Variants in ZNF398 observed in about 807,000 individuals in gnomAD.
The protein encoded by ZNF398 is zinc finger DNA binding protein ZER6.
Under a neutral mutation model 41.9 loss-of-function variants are expected in ZNF398, and 18 were observed. The observed-to-expected ratio is 0.43, with a 90% CI of 0.30 to 0.64. ZNF398 has a LOEUF of 0.64. Among genes scored for constraint, ZNF398 ranks in the 30% least tolerant of loss-of-function variants. The pLI is 0.14. For missense variants in ZNF398, 669 were observed against 822.8 expected (o/e 0.81, Z 2.29); for synonymous variants, 260 against 308.8 (o/e 0.84, Z 1.66).
intron 2 of ZNF398, among the ~76,000 whole-genome samples, chr7:149,140,024 A>G (rs868515784): frequency 6.6e-6 from 1 of 152,184 alleles, no homozygotes; most frequent in South Asian, 2.1e-4. Context: ...AATAAAATAA[A>G]AATTTAAAAA....
In ZNF398 at chr7:149,178,875, C is replaced by T; in HGVS notation, c.1003C>T (p.Pro335Ser). 6.2e-7 allele frequency: 1 copy of T among 1,614,116 alleles called. No individual in the cohort carries two copies. Residue 335 changes from proline to serine, a missense_variant, in exon 6 of 6, where the codon CCA (proline) becomes TCA (serine). Pro to Ser is a moderately conservative substitution (Grantham distance 74). Around this residue, in one of 3 missense-constraint regions of ZNF398, gnomAD observed 290 missense variants for 292.9 expected, o/e 0.99. Coordinates refer to ENST00000475153, the MANE Select transcript of ZNF398 (RefSeq NM_170686.3). Reference sequence around the variant, plus strand: ...TACTCAGTTGGGTAGCTATCCCCTCCCACCTCCAGTTGGCGAGCAGGTGTT... The same window carrying T: ...TACTCAGTTGGGTAGCTATCCCCTCTCACCTCCAGTTGGCGAGCAGGTGTT... ...TFTQLGSYPL[P>S]PPVGEQVFSC... is the part of the protein sequence containing the mutation.
chr7:149,134,056 G>A (rs1202381173), intron 2 of ZNF398, among the ~76,000 whole-genome samples: 1 of 126,662 alleles, frequency 7.9e-6, no homozygotes, highest in Non-Finnish European at 1.7e-5. Flanking sequence ...TGGCCATGCT[G>A]TTTTTGTCTT....
In ZNF398 at chr7:149,179,645, T is replaced by A; in HGVS notation, c.1773T>A (p.Asn591Lys). The A allele has an allele frequency of 1.2e-6, 2 of 1,614,204 alleles. No individual in the cohort carries two copies. Among genetic ancestry groups the A allele is most frequent in the Non-Finnish European group, 1.7e-6 (2 of 1,180,030 alleles). The change falls in exon 6 of 6, where the codon AAT becomes AAA. Residue 591 changes from asparagine to lysine, a missense_variant. By Grantham distance (94) the Asn-to-Lys change is moderately conservative. Coordinates refer to ENST00000475153, the MANE Select transcript of ZNF398 (RefSeq NM_170686.3). This position sits in a 1 kb window ranked among gnomAD's most constrained non-coding sequence, Gnocchi z 6.1. ...TLKDHLRSGH[N>K]GGCGGDSDPS... ...AGGACCACCTCCGTTCAGGCCACAATGGAGGCTGTGGGGGTGATAGTGACC... is the reference window on the plus strand; with the variant it reads ...AGGACCACCTCCGTTCAGGCCACAAAGGAGGCTGTGGGGGTGATAGTGACC...
chr7:149,145,942 C>CTTTTTTT (rs34950278), upstream of ZNF398, among the ~76,000 whole-genome samples: 5 of 103,090 alleles, frequency 4.9e-5, no homozygotes, highest in Admixed American at 1.3e-4. Flanking sequence ...CTCGCAGGTC[C>CTTTTTTT]TTTTTTTTTT....
chr7:149,145,580 G>A (rs144801732), upstream of ZNF398, among the ~76,000 whole-genome samples: 8 of 152,246 alleles, frequency 5.3e-5, no homozygotes, highest in Admixed American at 1.3e-4. Flanking sequence ...CACGAGTTCC[G>A]GTGAAACAGT....
intron 1 of ZNF398, among the ~76,000 whole-genome samples, chr7:149,152,793 G>A (rs937247155): frequency 2.0e-5 from 3 of 151,092 alleles, no homozygotes; most frequent in Admixed American, 6.6e-5. Context: ...TCGAACTCCC[G>A]ACCTCAGGTG....
chr7:149,179,426 G>C lies in ZNF398; in HGVS notation c.1554G>C (p.Lys518Asn). The C allele has an allele frequency of 6.2e-7, 1 of 1,614,058 alleles. No homozygotes were observed. Among genetic ancestry groups the C allele is most frequent in the Admixed American group, 1.7e-5 (1 of 60,020 alleles). Residue 518 changes from lysine to asparagine, a missense_variant, in exon 6 of 6, where the codon AAG (lysine) becomes AAC (asparagine). Coordinates refer to ENST00000475153, the MANE Select transcript of ZNF398 (RefSeq NM_170686.3). This position sits in a 1 kb window ranked among gnomAD's most constrained non-coding sequence, Gnocchi z 6.1. Reference sequence around the variant, plus strand: ...CTTACCCCTGCACTGACTGCAGTAAGAGCTTCATGCGCAAGGAGCACCTGC... The same window carrying C: ...CTTACCCCTGCACTGACTGCAGTAACAGCTTCATGCGCAAGGAGCACCTGC... ...ERPYPCTDCS[K>N]SFMRKEHLLN...
At chr7:149,172,012 C>G (rs1417028045) in intron 4 of ZNF398, among the ~76,000 whole-genome samples, 1 of 152,100 alleles carries the variant, frequency 6.6e-6, no homozygotes, top group Non-Finnish European at 1.5e-5. Flanking sequence ...GTGCATGACT[C>G]CATGTGTCTT....
intron 1 of ZNF398, among the ~76,000 whole-genome samples, chr7:149,150,832 C>T (rs558165385): frequency 6.6e-6 from 1 of 152,184 alleles, no homozygotes; most frequent in African/African-American, 2.4e-5. Flanking sequence ...GCCTCAGTCT[C>T]CCGAGTAGCT....
chr7:149,178,545 C>G, intron 5 of ZNF398, 103 bp from the exon 6 acceptor site: 1 of 971,738 alleles, frequency 1.0e-6, no homozygotes, highest in South Asian at 1.6e-5. Context: ...TGCTGTATTT[C>G]TGATCTGAGC....
intron 2 of ZNF398, among the ~76,000 whole-genome samples, chr7:149,157,403 C>G (rs1795003906): frequency 1.3e-5 from 2 of 151,580 alleles, no homozygotes; most frequent in African/African-American, 2.4e-5. Flanking sequence ...GGCGTGGTGG[C>G]GAGCGTCTGT....
chr7:149,145,514 C>G (rs1826919180), upstream of ZNF398, among the ~76,000 whole-genome samples: 1 of 152,150 alleles, frequency 6.6e-6, no homozygotes, highest in African/African-American at 2.4e-5. Flanking sequence ...GACAGGATCT[C>G]TGACATTAGA....
chr7:149,152,142 C>G (rs919251392), intron 1 of ZNF398, among the ~76,000 whole-genome samples: 14 of 151,936 alleles, frequency 9.2e-5, no homozygotes, highest in African/African-American at 3.4e-4. Flanking sequence ...TGAACCCAGG[C>G]AGCGGAGGTT....
In ZNF398 at chr7:149,133,912, C is replaced by T. The variant is rs530775738; in HGVS notation, c.-490+4968C>T. On this transcript the variant is annotated intron_variant, in intron 2 of 6. Transcript: ENST00000426851. ...GATTACAGGCATGCGCCACTGTGCC[C>T]GGCTAATTTTGTATTTTTAGTAGAG... 2.6e-4 allele frequency among the ~76,000 whole-genome samples: 38 copies of T among 148,172 alleles called. No homozygotes were observed. The South Asian group carries it at 5.6e-3, about 22-fold the overall frequency.
upstream of ZNF398, among the ~76,000 whole-genome samples, chr7:149,142,767 G>A (rs1194087141): frequency 6.6e-6 from 1 of 152,140 alleles, no homozygotes; most frequent in African/African-American, 2.4e-5. Context: ...AATTCAACTG[G>A]GTTTCCATTT....
At chr7:149,166,345 G>A in intron 3 of ZNF398, 61 bp downstream of exon 3, 1 of 1,593,328 alleles carries the variant, frequency 6.3e-7, no homozygotes, top group Non-Finnish European at 8.6e-7. Flanking sequence ...GCTCAGAACA[G>A]TCCCTTTTCC....
intron 2 of ZNF398, among the ~76,000 whole-genome samples, chr7:149,130,199 G>A (rs1193045293): frequency 2.0e-5 from 3 of 152,132 alleles, no homozygotes; most frequent in Non-Finnish European, 4.4e-5. Flanking sequence ...GGGTTCAAGC[G>A]ACTCCCCCAC....
At chr7:149,141,456 C>CTTTTTTTTTTT (rs60019784) in intron 2 of ZNF398, among the ~76,000 whole-genome samples, 1 of 128,232 alleles carries the variant, frequency 7.8e-6, no homozygotes, top group Non-Finnish European at 1.6e-5. Flanking sequence ...TCTTTTTTTT[C>CTTTTTTTTTTT]TTTTTTTTTT....
At chr7:149,157,643 T>C (rs1056320387) in intron 2 of ZNF398, among the ~76,000 whole-genome samples, 4 of 150,928 alleles carry the variant, frequency 2.7e-5, no homozygotes, top group African/African-American at 9.8e-5. Flanking sequence ...ATCGAGACCA[T>C]TGTGGCCAAC....
Sources: gnomAD v4.1 joint callset for allele counts (sites outside exome capture counted in the v4.1 genomes callset) on GRCh38, gnomAD v4.1.1 for gene constraint, gnomAD v4.1.1 regional missense constraint, Gnocchi (gnomAD v3.1) non-coding constraint, MANE v1.5 for transcripts, NCBI Gene and HGNC (gene_info 2026-07-23, HGNC 2026-07-21) for gene names.